AIFM2: variants seen among roughly 807,000 people sequenced by gnomAD.
AIFM2 encodes ferroptosis suppressor protein 1.
AIFM2 carries 38 observed loss-of-function variants against 35.7 expected under a neutral mutation model. The observed-to-expected ratio is 1.06, with a 90% CI of 0.82 to 1.39. AIFM2 has a LOEUF of 1.39. Among genes scored for constraint, AIFM2 ranks in the 40% most tolerant of loss-of-function variants. The pLI is 0.00. For synonymous variants in AIFM2, 185 were observed against 203.5 expected, an observed-to-expected ratio of 0.91 and a Z score of 0.77; for missense variants, 476 against 491.2, an observed-to-expected ratio of 0.97 and a Z score of 0.29.
At position 70,117,911 on chromosome 10, in the gene AIFM2, T is replaced by A. The variant is rs1397663724; in HGVS notation, c.517A>T (p.Ile173Phe). ...TEYPEKEVTL[I>F]HSQVALADKE... ...TCAGCCAGGGCCACTTGGGAGTGAA[T>A]GAGAGTGACCTGAGGACAAAACGAC... The change falls in exon 6 of 9, where the codon ATT (isoleucine) becomes TTT (phenylalanine). Residue 173 changes from isoleucine (I) to phenylalanine (F), a missense_variant. Physicochemically the swap from Ile to Phe is conservative, Grantham distance 21 (BLOSUM62 0). Transcript: ENST00000307864. The surrounding 1 kb of genome is among the most constrained non-coding windows in gnomAD (Gnocchi z 4.7). 6.2e-7 allele frequency: 1 copy of A among 1,608,300 alleles called. No homozygotes were observed.
Position 70,114,343 on chromosome 10 carries a change from C to T in AIFM2, c.971-14G>A, listed in dbSNP as rs758011663. 1 of 1,613,870 alleles carries T rather than the reference C, an allele frequency of 6.2e-7. No homozygotes were observed. Among genetic ancestry groups the T allele is most frequent in the Non-Finnish European group, 8.5e-7 (1 of 1,179,994 alleles). On this transcript the variant is annotated splice_polypyrimidine_tract_variant and intron_variant, in intron 8 of 8. Transcript: ENST00000307864. Reference sequence around the variant, plus strand: ...ACGTCAGTGCACCTGCAAGCAGAGACACAGAAACAACCAGAACCTCACTGA... The same window carrying T: ...ACGTCAGTGCACCTGCAAGCAGAGATACAGAAACAACCAGAACCTCACTGA...
intron 3 of AIFM2, among the ~76,000 whole-genome samples, chr10:70,122,440 C>T (rs1234965397): frequency 6.6e-6 from 1 of 152,214 alleles, no homozygotes; most frequent in East Asian, 1.9e-4. Context: ...GTCAACGCCC[C>T]CTTAGCTTCA....
rs2271695 is a variant in AIFM2, at chr10:70,114,978, G to A, written c.912C>T (p.Ile304=). The change falls in exon 8 of 9, where the codon ATC becomes ATT. Residue 304 remains isoleucine, a synonymous_variant. Coordinates refer to ENST00000307864, the MANE Select transcript of AIFM2 (RefSeq NM_032797.6). ...MAYLAGLHAN[I]AVANIVNSVK... is the part of the protein sequence containing the mutation. ...CAGAGTTGACGATGTTGGCCACGGC[G>A]ATGTTGGCGTGGAGGCCGGCAAGAT... is the stretch of plus-strand genomic sequence containing the variant. 0.074 allele frequency: 119,883 copies of A among 1,613,952 alleles called. 6,060 individuals are homozygous for A. Among genetic ancestry groups the A allele is most frequent in the Admixed American group, 0.19 (11,433 of 59,964 alleles).
chr10:70,115,095 A>G lies in AIFM2; in HGVS notation c.795T>C (p.Ala265=), dbSNP rs904556446. 3.7e-6 allele frequency: 6 copies of G among 1,613,964 alleles called. No individual in the cohort carries two copies. The highest frequency in any genetic ancestry group is 5.1e-6 in the Non-Finnish European group (6 of 1,179,904). The stretch of plus-strand genomic sequence containing the variant: ...CCTGGAGGTGCTCGTTCACTCTCAG[A>G]GCACCACTGCTGGCTAGTCTGCTCT... ...AFESRLASSG[A]LRVNEHLQVE... Residue 265 remains alanine, a synonymous_variant, in exon 8 of 9, where the codon GCT becomes GCC. Coordinates refer to ENST00000307864, the MANE Select transcript of AIFM2 (RefSeq NM_032797.6).
At chr10:70,120,654 C>G (rs2072490529) in intron 4 of AIFM2, 55 bp from the exon 5 acceptor site, 18 of 1,587,070 alleles carry the variant, frequency 1.1e-5, no homozygotes, top group Non-Finnish European at 1.6e-5. Context: ...ACACATCCAC[C>G]TCTGTCTGCT....
chr10:70,123,777 G>T, intron 2 of AIFM2, 130 bp downstream of exon 2: 1 of 1,062,528 alleles, frequency 9.4e-7, no homozygotes, highest in Non-Finnish European at 1.3e-6. Flanking sequence ...AGCTTCTCCA[G>T]AACTTGTCTG....
In AIFM2 at chr10:70,131,695, G is replaced by A. The variant is rs1337734199; in HGVS notation, c.-14+1039C>T. 2.6e-5 allele frequency among the ~76,000 whole-genome samples: 4 copies of A among 152,150 alleles called. No homozygotes were observed. The highest frequency in any genetic ancestry group is 2.1e-4 in the South Asian group (1 of 4,828). ...AGTCAGGCTGGCCCTGGAGTCCACC[G>A]GCCTGCCCAGCCCATCACTTCTGGG... On this transcript the variant is annotated intron_variant, in intron 1 of 8. Coordinates refer to ENST00000307864, the MANE Select transcript of AIFM2 (RefSeq NM_032797.6). The surrounding 1 kb of genome is among the most constrained non-coding windows in gnomAD (Gnocchi z 4.1).
chr10:70,123,694 C>G (rs918859843), intron 2 of AIFM2, among the ~76,000 whole-genome samples, 174 bp from the exon 3 acceptor site: 2 of 152,152 alleles, frequency 1.3e-5, no homozygotes, highest in Admixed American at 1.3e-4. Flanking sequence ...ATCTGGGCCT[C>G]AGACCGTCAG....
intron 4 of AIFM2, 134 bp downstream of exon 4, chr10:70,120,958 A>G: frequency 7.0e-7 from 1 of 1,438,596 alleles, no homozygotes; most frequent in Non-Finnish European, 9.3e-7. Context: ...GTCTCTTCCT[A>G]GTGACTCTCC....
Position 70,118,744 on chromosome 10 carries a change from AC to A in AIFM2, c.508-825del, listed in dbSNP as rs1479596440. Among the ~76,000 whole-genome samples the A allele has an allele frequency of 1.3e-4, 20 of 152,334 alleles. No individual in the cohort carries two copies. The South Asian group carries it at 2.3e-3, about 17-fold the overall frequency. ...TCTTAAAACCCTTGTAAATTGGGGT[AC>A]TAAGAATCATTTGTTCTAATATTTG... is the stretch of plus-strand genomic sequence containing the variant. On this transcript the variant is annotated intron_variant, in intron 5 of 8. Transcript: ENST00000307864.
At chr10:70,125,437 C>CAAAAAAAAAAAAAAA (rs199638586) in intron 1 of AIFM2, among the ~76,000 whole-genome samples, 1 of 67,950 alleles carries the variant, frequency 1.5e-5, no homozygotes, top group Non-Finnish European at 2.6e-5. Context: ...TCTGTCTCTA[C>CAAAAAAAAAAAAAAA]AAAAAAAAAA....
At chr10:70,127,521 CAG>C (rs1416972841) in intron 1 of AIFM2, among the ~76,000 whole-genome samples, 1 of 152,176 alleles carries the variant, frequency 6.6e-6, no homozygotes, top group East Asian at 1.9e-4. Flanking sequence ...GGACAGGTGA[CAG>C]GGGCCGACAG....
chr10:70,127,221 G>A (rs2072577706), intron 1 of AIFM2, among the ~76,000 whole-genome samples: 1 of 152,240 alleles, frequency 6.6e-6, no homozygotes, highest in South Asian at 2.1e-4. Flanking sequence ...GTCAGCCAGG[G>A]ATGAGGTCAA....
In AIFM2 at chr10:70,131,339, C is replaced by T. The variant is rs1364412087; in HGVS notation, c.-14+1395G>A. On this transcript the variant is annotated intron_variant, in intron 1 of 8. Coordinates refer to ENST00000307864, the MANE Select transcript of AIFM2 (RefSeq NM_032797.6). The surrounding 1 kb of genome is among the most constrained non-coding windows in gnomAD (Gnocchi z 4.1). Reference sequence around the variant, plus strand: ...ACTCACAGCACCATGGAGGTTTCCTCCACCTGCGGGACACAGCAGGATGGA... The same window carrying T: ...ACTCACAGCACCATGGAGGTTTCCTTCACCTGCGGGACACAGCAGGATGGA... Among the ~76,000 whole-genome samples the T allele has an allele frequency of 6.6e-6, 1 of 152,208 alleles. No individual in the cohort carries two copies. The highest frequency in any genetic ancestry group is 1.5e-5 in the Non-Finnish European group (1 of 68,038).
chr10:70,116,429 T>C (rs942089255), intron 7 of AIFM2, among the ~76,000 whole-genome samples, 193 bp downstream of exon 7: 9 of 152,226 alleles, frequency 5.9e-5, no homozygotes, highest in African/African-American at 1.9e-4. Context: ...CTTGGCCACC[T>C]GGGGCCGAGC....
At position 70,119,062 on chromosome 10, in the gene AIFM2, A is replaced by G. The variant is rs140283395; in HGVS notation, c.508-1142T>C. Among the ~76,000 whole-genome samples the G allele has an allele frequency of 3.3e-5, 5 of 152,228 alleles. No homozygotes were observed. In the East Asian group the frequency reaches 9.7e-4, roughly 29 times the overall value. On this transcript the variant is annotated intron_variant, in intron 5 of 8. Coordinates refer to ENST00000307864, the MANE Select transcript of AIFM2 (RefSeq NM_032797.6). ...AAGCCTCCATAAAAATCCCTAAAGTACAGGGTTCAGAGAGCTTCCAGGTTG... is the reference window on the plus strand; with the variant it reads ...AAGCCTCCATAAAAATCCCTAAAGTGCAGGGTTCAGAGAGCTTCCAGGTTG...
At chr10:70,122,269 A>C (rs2072517867) in intron 3 of AIFM2, among the ~76,000 whole-genome samples, 1 of 152,128 alleles carries the variant, frequency 6.6e-6, no homozygotes, top group Admixed American at 6.5e-5. Context: ...AGATGCCCTC[A>C]TGGAATCTTC....
chr10:70,123,610 C>A, intron 2 of AIFM2, 90 bp from the exon 3 acceptor site: 1 of 1,201,948 alleles, frequency 8.3e-7, no homozygotes. Flanking sequence ...GAGCTGCAAA[C>A]CAACAGGGGT....
chr10:70,123,316 G>A lies in AIFM2; in HGVS notation c.294+89C>T, dbSNP rs989806893. 12 of 1,172,740 alleles carry A rather than the reference G, an allele frequency of 1.0e-5. No homozygotes were observed. In the Admixed American group the frequency reaches 1.2e-4, roughly 12 times the overall value. 72.6% of individuals were successfully genotyped at this position (1,172,740 alleles called of 1,614,324 possible). A position where few individuals can be genotyped will look rare whatever the true frequency, so the allele number is the denominator to read the frequency against. On this transcript the variant is annotated intron_variant, in intron 3 of 8. Transcript: ENST00000307864. ...TTACAGGTGTGAGCCACCGCCCCCA[G>A]CCTAGCTCTCTCTTGACCCTGGAGG...
Sources: gnomAD v4.1 joint callset for allele counts (sites outside exome capture counted in the v4.1 genomes callset) on GRCh38, gnomAD v4.1.1 for gene constraint, Gnocchi (gnomAD v3.1) non-coding constraint, MANE v1.5 for transcripts, NCBI Gene and HGNC (gene_info 2026-07-23, HGNC 2026-07-21) for gene names.